UTRN: variants seen among roughly 807,000 people sequenced by gnomAD.
UTRN encodes the protein utrophin, also known as dystrophin-related protein 1.
In UTRN, 283 loss-of-function variants were observed where a neutral mutation model predicts 463.9. The ratio of observed to expected loss-of-function variants is 0.61; its 90% CI spans 0.55 to 0.67. The LOEUF is 0.67. Among genes scored for constraint, UTRN ranks in the 30% least tolerant of loss-of-function variants. UTRN has a pLI of 0.00. For missense variants in UTRN, 3,922 were observed against 4,084.3 expected (o/e 0.96, Z 1.08); for synonymous variants, 1,442 against 1,431.5 (o/e 1.01, Z -0.17).
Position 144,285,728 on chromosome 6 carries a change from C to G in UTRN, c.-186C>G, listed in dbSNP as rs963866257. The stretch of plus-strand genomic sequence containing the variant: ...CCAAACTAACACTCGCACACACCCC[C>G]GCGGTTACTCCGTGTCAAACTCCTA... On this transcript the variant is annotated 5_prime_UTR_variant, in exon 1 of 75. Transcript: ENST00000367545. The G allele has an allele frequency of 3.9e-5, 6 of 152,206 alleles. No homozygotes were observed. The highest frequency in any genetic ancestry group is 1.2e-4 in the African/African-American group (5 of 41,514). The allele number at this position is 152,206 out of a possible 1,614,324, so 9.4% of individuals were successfully genotyped here.
At chr6:144,451,282 C>T in intron 17 of UTRN, 88 bp from the exon 18 acceptor site, 3 of 1,467,338 alleles carry the variant, frequency 2.0e-6, no homozygotes, top group East Asian at 2.3e-5. Context: ...AGACATATTC[C>T]TGATGAGCAT....
At chr6:144,694,455 T>C (rs918222699) in intron 52 of UTRN, among the ~76,000 whole-genome samples, 1 of 152,088 alleles carries the variant, frequency 6.6e-6, no homozygotes, top group Non-Finnish European at 1.5e-5. Context: ...AACAGTTTCA[T>C]TAGGAATGGT....
chr6:144,493,346 G>A lies in UTRN; in HGVS notation c.4483G>A (p.Val1495Met), dbSNP rs962495285. 2 of 1,614,044 alleles carry A rather than the reference G, an allele frequency of 1.2e-6. No individual in the cohort carries two copies. The highest frequency in any genetic ancestry group is 1.7e-6 in the Non-Finnish European group (2 of 1,180,008). Residue 1495 changes from valine to methionine, a missense_variant, in exon 33 of 75, where the codon GTG (valine) becomes ATG (methionine). Coordinates refer to ENST00000367545, the MANE Select transcript of UTRN (RefSeq NM_007124.3). The stretch of plus-strand genomic sequence containing the variant: ...TGAAGTCAAACTTGAAGTGGAAACT[G>A]TGATTAAAACAGGAAGACATATTGT... ...LSEVKLEVETVIKTGRHIVQK... is the reference protein window; with the variant it reads ...LSEVKLEVETMIKTGRHIVQK...
intron 41 of UTRN, among the ~76,000 whole-genome samples, 155 bp from the exon 42 acceptor site, chr6:144,530,897 A>C (rs1194423539): frequency 6.6e-6 from 1 of 152,178 alleles, no homozygotes; most frequent in African/African-American, 2.4e-5. Flanking sequence ...CCTGTATCCC[A>C]CTACGAAAAT....
chr6:144,402,856 C>T (rs1783045341), intron 2 of UTRN, among the ~76,000 whole-genome samples: 1 of 152,106 alleles, frequency 6.6e-6, no homozygotes, highest in Admixed American at 6.5e-5. Flanking sequence ...GATTTGGTCA[C>T]TGATGGCAGG....
chr6:144,434,484 A>G (rs1786338867), intron 9 of UTRN, among the ~76,000 whole-genome samples: 1 of 152,230 alleles, frequency 6.6e-6, no homozygotes, highest in Non-Finnish European at 1.5e-5. Flanking sequence ...GGGAGGAGCC[A>G]TCTACTGAGT....
intron 51 of UTRN, among the ~76,000 whole-genome samples, chr6:144,661,306 T>C (rs1779838934): frequency 2.0e-5 from 3 of 152,138 alleles, no homozygotes; most frequent in Admixed American, 6.5e-5. Flanking sequence ...CCAAAACAAT[T>C]GCAGTCACTG....
chr6:144,560,503 G>T (rs969809637), intron 50 of UTRN, among the ~76,000 whole-genome samples: 1 of 152,062 alleles, frequency 6.6e-6, no homozygotes, highest in Non-Finnish European at 1.5e-5. Context: ...TACCATGGCT[G>T]CCCTCTTATC....
intron 69 of UTRN, among the ~76,000 whole-genome samples, chr6:144,830,556 C>A (rs183872337): frequency 6.6e-6 from 1 of 152,290 alleles, no homozygotes; most frequent in Non-Finnish European, 1.5e-5. Context: ...GATTTTACTT[C>A]ATTTCACTAA....
At chr6:144,382,949 T>A (rs1371499303) in intron 2 of UTRN, among the ~76,000 whole-genome samples, 1 of 152,204 alleles carries the variant, frequency 6.6e-6, no homozygotes, top group Non-Finnish European at 1.5e-5. Context: ...TTTTCTTTTA[T>A]GAGACAGGTT....
intron 61 of UTRN, among the ~76,000 whole-genome samples, chr6:144,787,962 A>T (rs2128741779): frequency 6.6e-6 from 1 of 152,278 alleles, no homozygotes; most frequent in African/African-American, 2.4e-5. Context: ...TAGCAAGGAT[A>T]ATATCTTATT....
chr6:144,691,072 A>T (rs1562772444), intron 52 of UTRN, among the ~76,000 whole-genome samples: 2 of 152,066 alleles, frequency 1.3e-5, no homozygotes, highest in Non-Finnish European at 2.9e-5. Context: ...AGGGAAAAAA[A>T]AAGTTTTATT....
chr6:144,650,511 T>A (rs1274861255), intron 51 of UTRN, among the ~76,000 whole-genome samples: 1 of 152,228 alleles, frequency 6.6e-6, no homozygotes, highest in African/African-American at 2.4e-5. Flanking sequence ...GTAGAGACTG[T>A]TGTAATTTCT....
chr6:144,418,834 G>A (rs977960423), intron 3 of UTRN, among the ~76,000 whole-genome samples: 1 of 152,068 alleles, frequency 6.6e-6, no homozygotes, highest in African/African-American at 2.4e-5. Flanking sequence ...TTACAGACAT[G>A]AGCCACCGTG....
At position 144,435,976 on chromosome 6, in the gene UTRN, A is replaced by G. The variant is rs755592399; in HGVS notation, c.897A>G (p.Glu299=). The G allele has an allele frequency of 6.2e-7, 1 of 1,614,074 alleles. No homozygotes were observed. Residue 299 remains glutamate, a synonymous_variant, in exon 10 of 75, where the codon GAA becomes GAG. Coordinates refer to ENST00000367545, the MANE Select transcript of UTRN (RefSeq NM_007124.3). The part of the protein sequence containing the change: ...PEEEHESPRA[E]TPSTVTEVDM... ...AGGAGCATGAGAGTCCCCGAGCTGA[A>G]ACTCCCAGCACTGTCACTGAGGTTG... is the stretch of plus-strand genomic sequence containing the variant.
At chr6:144,386,864 A>G (rs980703260) in intron 2 of UTRN, among the ~76,000 whole-genome samples, 2 of 152,098 alleles carry the variant, frequency 1.3e-5, no homozygotes, top group Non-Finnish European at 2.9e-5. Context: ...AAAACACTCC[A>G]AATAAAGACA....
In UTRN at chr6:144,551,048, C is replaced by G. The variant is rs368733637; in HGVS notation, c.6894C>G (p.Ser2298=). The G allele has an allele frequency of 3.7e-6, 6 of 1,611,032 alleles. No homozygotes were observed. The African/African-American group carries it at 8.0e-5, about 22-fold the overall frequency. ...TLAQNLKNKA[S]SSDMRTAITE... is the part of the protein sequence containing the mutation. ...CACAGAATTTGAAAAATAAAGCTTCCAGTTCAGATATGAGAACAGCAATTA... is the reference window on the plus strand; with the variant it reads ...CACAGAATTTGAAAAATAAAGCTTCGAGTTCAGATATGAGAACAGCAATTA... The change falls in exon 48 of 75, where the codon TCC becomes TCG. Residue 2298 remains serine, a synonymous_variant. Transcript: ENST00000367545.
At chr6:144,633,422 C>T (rs1430140159) in intron 51 of UTRN, among the ~76,000 whole-genome samples, 1 of 151,938 alleles carries the variant, frequency 6.6e-6, no homozygotes, top group Non-Finnish European at 1.5e-5. Context: ...TTAGTAAAGA[C>T]GGCGTTTCAC....
chr6:144,626,358 A>G lies in UTRN; in HGVS notation c.7479+49070A>G, dbSNP rs547047235. The stretch of plus-strand genomic sequence containing the variant: ...TTTCTGGGCACAAAGTATCACTCCA[A>G]TCTCCTTTAAATCAGTTTCCCTCTC... On this transcript the variant is annotated intron_variant, in intron 51 of 74. Transcript: ENST00000367545. Among the ~76,000 whole-genome samples, 6 of 152,266 alleles carry G rather than the reference A, an allele frequency of 3.9e-5. No individual in the cohort carries two copies. The East Asian group carries it at 9.7e-4, about 25-fold the overall frequency.
Sources: gnomAD v4.1 joint callset for allele counts (sites outside exome capture counted in the v4.1 genomes callset) on GRCh38, gnomAD v4.1.1 for gene constraint, MANE v1.5 for transcripts, NCBI Gene and HGNC (gene_info 2026-07-23, HGNC 2026-07-21) for gene names.